The following ZNF503 variants were observed in gnomAD, a reference collection of about 807,000 sequenced individuals.
ZNF503 encodes NocA-like zinc finger 2.
Under a neutral mutation model 34.4 loss-of-function variants are expected in ZNF503, and 15 were observed. That is an observed-to-expected ratio of 0.44 (90% CI 0.29 to 0.67). The LOEUF (loss-of-function observed/expected upper bound fraction) is 0.67, where lower values mean the gene tolerates loss of function less well. Ranked by LOEUF, ZNF503 falls within the 30% of genes least tolerant of loss-of-function variation. The pLI is 0.13. For missense variants in ZNF503, 1,007 were observed against 926.8 expected, an observed-to-expected ratio of 1.09 and a Z score of -1.12; for synonymous variants, 580 against 456.8, an observed-to-expected ratio of 1.27 and a Z score of -3.44.
At chr10:75,382,299 A>G in the ZNF503 span, 1 of 251,484 alleles carries the variant, frequency 4.0e-6, no homozygotes, top group East Asian at 1.1e-4. Context: ...ACAACATCAA[A>G]TCTTCCTTAC....
the ZNF503 span, among the ~76,000 whole-genome samples, chr10:75,290,446 A>G: frequency 6.6e-6 from 1 of 152,232 alleles, no homozygotes; most frequent in South Asian, 2.1e-4. Context: ...GATTCTAGGA[A>G]CCAGCATTGC....
chr10:75,343,520 G>A, the ZNF503 span, among the ~76,000 whole-genome samples: 50,998 of 151,868 alleles, frequency 0.34, 8,801 homozygotes, highest in South Asian at 0.42. Context: ...ATCCCCTCTG[G>A]GCCTGTCTCT....
the ZNF503 span, among the ~76,000 whole-genome samples, chr10:75,319,659 T>C: frequency 6.6e-6 from 1 of 152,220 alleles, no homozygotes; most frequent in Non-Finnish European, 1.5e-5. Context: ...TTACATTATA[T>C]ATAAATGGTC....
the ZNF503 span, among the ~76,000 whole-genome samples, chr10:75,321,715 T>C: frequency 1.3e-5 from 2 of 152,194 alleles, no homozygotes; most frequent in African/African-American, 4.8e-5. Context: ...GTGGAAGAAA[T>C]GTCTAAGCAG....
intron 1 of ZNF503, 147 bp from the exon 2 acceptor site, chr10:75,400,521 C>T (rs1221139611): frequency 7.1e-7 from 1 of 1,411,930 alleles, no homozygotes; most frequent in African/African-American, 1.4e-5. Flanking sequence ...GGCGGCACCC[C>T]CTCTTCAACA....
chr10:75,339,559 C>G, the ZNF503 span, among the ~76,000 whole-genome samples: 3 of 152,126 alleles, frequency 2.0e-5, no homozygotes, highest in Non-Finnish European at 4.4e-5. Context: ...CTGTGACACG[C>G]TGGTGGGGGA....
chr10:75,366,930 T>C, the ZNF503 span, among the ~76,000 whole-genome samples: 1 of 152,184 alleles, frequency 6.6e-6, no homozygotes, highest in Non-Finnish European at 1.5e-5. Flanking sequence ...ATATATCTCT[T>C]ACTGGCTCCT....
the ZNF503 span, among the ~76,000 whole-genome samples, chr10:75,325,229 C>G: frequency 5.8e-4 from 88 of 152,112 alleles, no homozygotes; most frequent in African/African-American, 2.0e-3. Context: ...GCACATTTGT[C>G]AAAAATCAGC....
chr10:75,362,280 G>A, the ZNF503 span, among the ~76,000 whole-genome samples: 6 of 152,038 alleles, frequency 3.9e-5, no homozygotes, highest in Admixed American at 1.3e-4. Context: ...TGGGAGGGGG[G>A]CACTCTGCAA....
chr10:75,396,436 C>T (rs1018341522), downstream of ZNF503, among the ~76,000 whole-genome samples: 2 of 151,922 alleles, frequency 1.3e-5, no homozygotes, highest in African/African-American at 4.8e-5. This position sits in a 1 kb window ranked among gnomAD's most constrained non-coding sequence, Gnocchi z 4.4. Context: ...CGGGAGGTCG[C>T]TGGGGGTGGC....
the ZNF503 span, among the ~76,000 whole-genome samples, chr10:75,373,660 G>A: frequency 6.6e-6 from 1 of 152,176 alleles, no homozygotes; most frequent in Non-Finnish European, 1.5e-5. Flanking sequence ...TCTGCCACTG[G>A]TGAGCTGGGT....
At chr10:75,366,495 C>T in the ZNF503 span, among the ~76,000 whole-genome samples, 8 of 152,232 alleles carry the variant, frequency 5.3e-5, no homozygotes, top group Non-Finnish European at 1.5e-5. Context: ...TCTCCTCCAT[C>T]AGGCGTGGGG....
the ZNF503 span, among the ~76,000 whole-genome samples, chr10:75,299,851 C>T: frequency 6.6e-6 from 1 of 152,124 alleles, no homozygotes; most frequent in African/African-American, 2.4e-5. Context: ...ACATGCTTCA[C>T]AAGGTAATAG....
the ZNF503 span, among the ~76,000 whole-genome samples, chr10:75,330,429 C>T: frequency 3.9e-5 from 6 of 152,120 alleles, no homozygotes; most frequent in African/African-American, 1.4e-4. Context: ...GAATTAGTAT[C>T]GGTTCTTCTT....
chr10:75,369,530 A>T, the ZNF503 span, among the ~76,000 whole-genome samples: 2 of 152,152 alleles, frequency 1.3e-5, no homozygotes, highest in Admixed American at 1.3e-4. Context: ...TTCCACCATG[A>T]TTGTAAGTTT....
the ZNF503 span, among the ~76,000 whole-genome samples, chr10:75,329,429 TCC>T: frequency 1.8e-4 from 24 of 131,810 alleles, no homozygotes; most frequent in African/African-American, 5.6e-4. Context: ...CTTCCTTCCT[TCC>T]TTCCTTTCTT....
rs992020759 is a variant in ZNF503, at chr10:75,398,878, G to C, written c.1812C>G (p.Pro604=). 6.5e-7 allele frequency: 1 copy of C among 1,530,452 alleles called. No homozygotes were observed. Among genetic ancestry groups the C allele is most frequent in the Non-Finnish European group, 8.8e-7 (1 of 1,142,646 alleles). The allele number at this position is 1,530,452 out of a possible 1,614,324, so 94.8% of individuals were successfully genotyped here. ...GCGTGGGAAGCGGGCTCTTGGAGTAGGGGTGGTAGCGGCTGCTGAGTCCCA... is the reference window on the plus strand; with the variant it reads ...GCGTGGGAAGCGGGCTCTTGGAGTACGGGTGGTAGCGGCTGCTGAGTCCCA... ...HALGLSSRYH[P]YSKSPLPTPG... Residue 604 remains proline (P), a synonymous_variant, in exon 2 of 2, where the codon CCC becomes CCG. Transcript: ENST00000372524.
the ZNF503 span, among the ~76,000 whole-genome samples, chr10:75,306,463 T>C: frequency 6.6e-6 from 1 of 152,266 alleles, no homozygotes; most frequent in South Asian, 2.1e-4. Flanking sequence ...ATATGATATA[T>C]GACTTGTAAA....
chr10:75,389,985 C>T, the ZNF503 span, among the ~76,000 whole-genome samples: 29 of 152,192 alleles, frequency 1.9e-4, no homozygotes, highest in African/African-American at 6.3e-4. Context: ...CTCTGCCTCC[C>T]GGGTTCGCGC....
Sources: allele counts gnomAD v4.1 joint callset (sites outside exome capture counted in the v4.1 genomes callset), GRCh38; gene constraint gnomAD v4.1.1; non-coding constraint Gnocchi (gnomAD v3.1); transcripts MANE v1.5; gene names NCBI Gene and HGNC (gene_info 2026-07-23, HGNC 2026-07-21).